GRIK3: variants seen among roughly 807,000 people sequenced by gnomAD.
The protein encoded by GRIK3 is glutamate ionotropic receptor kainate type subunit 3.
In GRIK3, 29 loss-of-function variants were observed where a neutral mutation model predicts 102.5. The observed-to-expected ratio is 0.28, with a 90% CI of 0.21 to 0.39. The LOEUF (loss-of-function observed/expected upper bound fraction) is 0.39. Ranked by LOEUF, GRIK3 falls within the 10% of genes least tolerant of loss-of-function variation. The pLI is 1.00. For missense variants in GRIK3, 908 were observed against 1,252.4 expected (o/e 0.73, Z 4.15); for synonymous variants, 511 against 504.9 (o/e 1.01, Z -0.16).
intron 1 of GRIK3, among the ~76,000 whole-genome samples, chr1:37,015,158 T>C (rs1390301424): frequency 6.6e-6 from 1 of 152,142 alleles, no homozygotes; most frequent in Non-Finnish European, 1.5e-5. Context: ...GGGAAAGATA[T>C]TTCTGTCCAC....
At chr1:36,838,255 A>G (rs943176868) in intron 10 of GRIK3, among the ~76,000 whole-genome samples, 1 of 152,210 alleles carries the variant, frequency 6.6e-6, no homozygotes, top group Non-Finnish European at 1.5e-5. Context: ...GGAGAAATGG[A>G]ATAACTTTCC....
In GRIK3 at chr1:36,872,425, A is replaced by C; in HGVS notation, c.551-56T>G. On this transcript the variant is annotated intron_variant, in intron 3 of 15. Coordinates refer to ENST00000373091, the MANE Select transcript of GRIK3 (RefSeq NM_000831.4). This position sits in a 1 kb window ranked among gnomAD's most constrained non-coding sequence, Gnocchi z 5.9. ...GTGTACCACATGTATCCACAGCTCCAGGCATCCACTTGGACTTGTGTGCAC... is the reference window on the plus strand; with the variant it reads ...GTGTACCACATGTATCCACAGCTCCCGGCATCCACTTGGACTTGTGTGCAC... 2 of 1,387,026 alleles carry C rather than the reference A, an allele frequency of 1.4e-6. No individual in the cohort carries two copies. Among genetic ancestry groups the C allele is most frequent in the Non-Finnish European group, 2.0e-6 (2 of 1,014,984 alleles). 85.9% of individuals were successfully genotyped at this position (1,387,026 alleles called of 1,614,324 possible).
intron 4 of GRIK3, among the ~76,000 whole-genome samples, chr1:36,870,275 T>G (rs1640829228): frequency 6.7e-6 from 1 of 149,010 alleles, no homozygotes; most frequent in East Asian, 1.9e-4. Flanking sequence ...AGCTGGGAGG[T>G]CTGTCTTCAG....
rs189697167 is a variant in GRIK3, at chr1:36,859,874, G to T, written c.930C>A (p.Ser310=). Residue 310 remains serine (S), a synonymous_variant, in exon 6 of 16, where the codon TCC becomes TCA. Transcript: ENST00000373091. ...TCACTCCATCCAGCAGGCCAGACTC[G>T]GACCGGGGAGCTGCCTGCAGCCGCT... ...SMERLQAAPR[S]ESGLLDGVMM... 2 of 1,613,860 alleles carry T rather than the reference G, an allele frequency of 1.2e-6. No individual in the cohort carries two copies. The highest frequency in any genetic ancestry group is 2.7e-5 in the African/African-American group (2 of 74,908).
intron 3 of GRIK3, among the ~76,000 whole-genome samples, chr1:36,879,913 G>T (rs978479111): frequency 1.3e-5 from 2 of 152,146 alleles, no homozygotes; most frequent in African/African-American, 4.8e-5. Flanking sequence ...TGGGGTCAGC[G>T]GTCAAGTGGG....
chr1:37,007,716 C>G (rs1642547351), intron 1 of GRIK3, among the ~76,000 whole-genome samples: 1 of 152,226 alleles, frequency 6.6e-6, no homozygotes, highest in African/African-American at 2.4e-5. Flanking sequence ...ATTGGTTCAA[C>G]AATGACTTCT....
intron 1 of GRIK3, among the ~76,000 whole-genome samples, 168 bp downstream of exon 1, chr1:37,033,826 C>T (rs1336989371): frequency 7.9e-5 from 12 of 152,206 alleles, no homozygotes; most frequent in African/African-American, 2.7e-4. Context: ...AGGCCCGTGA[C>T]CCCGACTCTG....
At chr1:37,030,783 A>G (rs1642819037) in intron 1 of GRIK3, among the ~76,000 whole-genome samples, 1 of 152,116 alleles carries the variant, frequency 6.6e-6, no homozygotes, top group Non-Finnish European at 1.5e-5. Flanking sequence ...CTACAATGGC[A>G]TAACAGTGCC....
intron 1 of GRIK3, among the ~76,000 whole-genome samples, chr1:36,976,405 G>T (rs1441746781): frequency 6.6e-6 from 1 of 152,034 alleles, no homozygotes; most frequent in Non-Finnish European, 1.5e-5. Context: ...TTTTCATCAG[G>T]TCTGAAAAAC....
chr1:36,908,122 T>A (rs907364777), intron 1 of GRIK3, among the ~76,000 whole-genome samples: 2 of 152,188 alleles, frequency 1.3e-5, no homozygotes, highest in Non-Finnish European at 2.9e-5. Flanking sequence ...GAGGCACATC[T>A]CTGCCCAACT....
At chr1:36,826,035 TGCTCTCTAAGA>T (rs1642751900) in intron 10 of GRIK3, among the ~76,000 whole-genome samples, 1 of 152,178 alleles carries the variant, frequency 6.6e-6, no homozygotes, top group South Asian at 2.1e-4. Context: ...ACTTAACCTC[TGCTCTCTAAGA>T]GCTCATGGTC....
At chr1:36,892,008 T>TTTTATTTATTTA (rs541642218) in intron 1 of GRIK3, among the ~76,000 whole-genome samples, 14 of 151,882 alleles carry the variant, frequency 9.2e-5, no homozygotes, top group African/African-American at 3.4e-4. Flanking sequence ...GCAGTTCCAG[T>TTTTATTTATTTA]TTTATTTATT....
At chr1:36,803,764 G>T (rs1199971809) in intron 15 of GRIK3, among the ~76,000 whole-genome samples, 5 of 152,200 alleles carry the variant, frequency 3.3e-5, no homozygotes, top group African/African-American at 4.8e-5. Context: ...AATTCTCAGA[G>T]AATTTGATTG....
chr1:37,015,782 G>A (rs905634168), intron 1 of GRIK3, among the ~76,000 whole-genome samples: 1 of 152,226 alleles, frequency 6.6e-6, no homozygotes, highest in African/African-American at 2.4e-5. Flanking sequence ...AATGCGAAGG[G>A]GCTTGTGTCT....
At chr1:36,956,535 C>T (rs1641907381) in intron 1 of GRIK3, among the ~76,000 whole-genome samples, 1 of 152,162 alleles carries the variant, frequency 6.6e-6, no homozygotes, top group Admixed American at 6.5e-5. Flanking sequence ...AACAGCTGCC[C>T]AGGGCCATGT....
chr1:36,841,677 A>C, intron 10 of GRIK3, 59 bp downstream of exon 10: 2 of 1,413,324 alleles, frequency 1.4e-6, no homozygotes, highest in Non-Finnish European at 2.0e-6. Flanking sequence ...TGGTGCAGAC[A>C]GTTCTAGGCC....
chr1:36,825,933 A>G, intron 10 of GRIK3, 107 bp from the exon 11 acceptor site: 1 of 778,106 alleles, frequency 1.3e-6, no homozygotes. Context: ...CAGTTGTCCC[A>G]GCCCCAGGTC....
At chr1:36,853,769 C>T in intron 7 of GRIK3, 47 bp from the exon 8 acceptor site, 1 of 998,678 alleles carries the variant, frequency 1.0e-6, no homozygotes, top group South Asian at 1.3e-5. Context: ...GCTTATAAAT[C>T]ATCATTCGGT....
At chr1:37,033,875 C>T in intron 1 of GRIK3, 119 bp downstream of exon 1, 1 of 543,278 alleles carries the variant, frequency 1.8e-6, no homozygotes, top group South Asian at 2.3e-5. Context: ...TGGTGGTCAC[C>T]GATCGGCTCA....
Sources: allele counts gnomAD v4.1 joint callset (sites outside exome capture counted in the v4.1 genomes callset), GRCh38; gene constraint gnomAD v4.1.1; non-coding constraint Gnocchi (gnomAD v3.1); transcripts MANE v1.5; gene names NCBI Gene and HGNC (gene_info 2026-07-23, HGNC 2026-07-21).